Variants in POLR3B observed in about 807,000 individuals in gnomAD.
The protein encoded by POLR3B is DNA-directed RNA polymerase III subunit RPC2.
Under a neutral mutation model 147.4 loss-of-function variants are expected in POLR3B, and 96 were observed. That is an observed-to-expected ratio of 0.65 (90% CI 0.55 to 0.77). The LOEUF (loss-of-function observed/expected upper bound fraction) is 0.77. Among genes scored for constraint, POLR3B ranks in the 30% least tolerant of loss-of-function variants. POLR3B has a pLI of 0.00. For missense variants in POLR3B, 1,036 were observed against 1,413.5 expected, an observed-to-expected ratio of 0.73 and a Z score of 4.28; for synonymous variants, 461 against 485.9, an observed-to-expected ratio of 0.95 and a Z score of 0.67.
chr12:106,446,524 A>G (rs1298878974), intron 19 of POLR3B, among the ~76,000 whole-genome samples: 1 of 152,062 alleles, frequency 6.6e-6, no homozygotes, highest in African/African-American at 2.4e-5. Flanking sequence ...GTGTGTACAG[A>G]AAGCCAGTTC....
chr12:106,476,018 C>T (rs1473953680), intron 23 of POLR3B, among the ~76,000 whole-genome samples: 1 of 150,680 alleles, frequency 6.6e-6, no homozygotes, highest in African/African-American at 2.5e-5. Flanking sequence ...TTGTTCCTTT[C>T]CATGTTTAGC....
At chr12:106,411,379 C>A (rs1486181946) in intron 12 of POLR3B, among the ~76,000 whole-genome samples, 1 of 152,170 alleles carries the variant, frequency 6.6e-6, no homozygotes, top group African/African-American at 2.4e-5. Context: ...CTCAGGTGAT[C>A]TGCCCATCTC....
chr12:106,404,160 C>T (rs892391158), intron 10 of POLR3B, among the ~76,000 whole-genome samples: 1 of 151,210 alleles, frequency 6.6e-6, no homozygotes, highest in Non-Finnish European at 1.5e-5. Flanking sequence ...GCATGATCTC[C>T]GCTCACTGCA....
Position 106,366,720 on chromosome 12 carries a change from AAAGT to A in POLR3B, c.227+2_227+5del. On this transcript the variant is annotated splice_donor_variant and coding_sequence_variant, in exon 4 of 28. Transcript: ENST00000228347. LOFTEE classifies it high-confidence loss of function. ...GTGACGCTGACCCTATGTGGTACTT[AAAGT>A]AAGGAACCAACATTCTTAATTTGCT... The A allele has an allele frequency of 6.2e-7, 1 of 1,607,880 alleles. No individual in the cohort carries two copies. Among genetic ancestry groups the A allele is most frequent in the South Asian group, 1.1e-5 (1 of 90,926 alleles).
intron 23 of POLR3B, among the ~76,000 whole-genome samples, chr12:106,479,602 C>T (rs1197642630): frequency 1.3e-5 from 2 of 151,954 alleles, no homozygotes; most frequent in African/African-American, 2.4e-5. Flanking sequence ...CCAGGATGGT[C>T]TCGATCTCCT....
intron 12 of POLR3B, 120 bp downstream of exon 12, chr12:106,411,080 T>G: frequency 1.2e-6 from 1 of 834,144 alleles, no homozygotes; most frequent in Non-Finnish European, 2.0e-6. Context: ...AGTATAAACA[T>G]TTCATACCTG....
chr12:106,366,406 T>G, intron 2 of POLR3B, 110 bp from the exon 3 acceptor site: 1 of 720,366 alleles, frequency 1.4e-6, no homozygotes, highest in Non-Finnish European at 2.5e-6. Context: ...TGATAAAAAT[T>G]TGATGTTCAC....
At chr12:106,398,534 C>T (rs1171870432) in intron 10 of POLR3B, among the ~76,000 whole-genome samples, 1 of 152,198 alleles carries the variant, frequency 6.6e-6, no homozygotes, top group Non-Finnish European at 1.5e-5. Flanking sequence ...CAGACTGCCT[C>T]CTCAAGTGGT....
At chr12:106,413,097 T>G (rs574707969) in intron 12 of POLR3B, among the ~76,000 whole-genome samples, 1 of 152,314 alleles carries the variant, frequency 6.6e-6, no homozygotes, top group African/African-American at 2.4e-5. Context: ...TTTCACTTTT[T>G]TGACAGTGTC....
rs529148282 is a variant in POLR3B at position 106,447,059 on chromosome 12, T to C, written c.2083+2469T>C. On this transcript the variant is annotated intron_variant, in intron 19 of 27. Coordinates refer to ENST00000228347, the MANE Select transcript of POLR3B (RefSeq NM_018082.6). ...CAACTAAAACTCATACTCTATCCCA[T>C]TTTTACTATGAGCCATTGCTAAACA... 5.9e-5 allele frequency among the ~76,000 whole-genome samples: 9 copies of C among 152,342 alleles called. No individual in the cohort carries two copies. In the South Asian group the frequency reaches 1.9e-3, roughly 32 times the overall value.
intron 13 of POLR3B, among the ~76,000 whole-genome samples, chr12:106,429,991 A>C (rs1482977775): frequency 6.6e-6 from 1 of 152,222 alleles, no homozygotes; most frequent in Non-Finnish European, 1.5e-5. Flanking sequence ...TTATAGAATT[A>C]GTTCCTCAGA....
Position 106,398,145 on chromosome 12 carries a change from T to A in POLR3B, c.846+4992T>A, listed in dbSNP as rs148313562. On this transcript the variant is annotated intron_variant, in intron 10 of 27. Coordinates refer to ENST00000228347, the MANE Select transcript of POLR3B (RefSeq NM_018082.6). ...GGTCACTCCCACCCTAATACTGCACTTTCCCAACGGGCTTAAGAAACGGCA... is the reference window on the plus strand; with the variant it reads ...GGTCACTCCCACCCTAATACTGCACATTCCCAACGGGCTTAAGAAACGGCA... 4.6e-5 allele frequency among the ~76,000 whole-genome samples: 7 copies of A among 152,320 alleles called. No individual in the cohort carries two copies. In the East Asian group the frequency reaches 1.4e-3, roughly 29 times the overall value.
In POLR3B at chr12:106,477,765, G is replaced by T. The variant is rs2038197505; in HGVS notation, c.2713+14145G>T. Among the ~76,000 whole-genome samples, 4 of 152,044 alleles carry T rather than the reference G, an allele frequency of 2.6e-5. No individual in the cohort carries two copies. In the South Asian group the frequency reaches 6.2e-4, roughly 24 times the overall value. On this transcript the variant is annotated intron_variant, in intron 23 of 27. Transcript: ENST00000228347. ...CCCACTGGCCTGCGCCCACTGTCTGGCACTCCCTACTGAGATGAACCCGGT... is the reference window on the plus strand; with the variant it reads ...CCCACTGGCCTGCGCCCACTGTCTGTCACTCCCTACTGAGATGAACCCGGT...
chr12:106,383,751 A>G (rs1056530488), intron 9 of POLR3B, among the ~76,000 whole-genome samples: 3 of 152,146 alleles, frequency 2.0e-5, no homozygotes, highest in African/African-American at 7.2e-5. Context: ...AGGCTGAGGC[A>G]GGGATCATTT....
In POLR3B at chr12:106,432,298, G is replaced by T; in HGVS notation, c.1465-20G>T. On this transcript the variant is annotated intron_variant, in intron 14 of 27. Coordinates refer to ENST00000228347, the MANE Select transcript of POLR3B (RefSeq NM_018082.6). ...ATTACTAATGTTCATTCTTAGAAAT[G>T]ACCATCTTTTGTTTTTTAGGCATGT... 2 of 1,609,826 alleles carry T rather than the reference G, an allele frequency of 1.2e-6. No homozygotes were observed. The highest frequency in any genetic ancestry group is 2.2e-5 in the South Asian group (2 of 90,884).
chr12:106,501,216 C>A, intron 25 of POLR3B, 107 bp from the exon 26 acceptor site: 3 of 759,824 alleles, frequency 3.9e-6, no homozygotes, highest in Admixed American at 1.8e-5. Context: ...TCATTCTTAT[C>A]CAGTCAGTCA....
chr12:106,425,706 C>T lies in POLR3B; in HGVS notation c.1102-1491C>T, dbSNP rs1350880325. 2.0e-5 allele frequency among the ~76,000 whole-genome samples: 3 copies of T among 152,242 alleles called. No homozygotes were observed. The East Asian group carries it at 5.8e-4, about 29-fold the overall frequency. On this transcript the variant is annotated intron_variant, in intron 12 of 27. Coordinates refer to ENST00000228347, the MANE Select transcript of POLR3B (RefSeq NM_018082.6). Reference sequence around the variant, plus strand: ...GAGTGGGAGTGGACACTTCTTGTGCCTGGGCTTCAGAAGAATTCTGAACTT... The same window carrying T: ...GAGTGGGAGTGGACACTTCTTGTGCTTGGGCTTCAGAAGAATTCTGAACTT...
intron 10 of POLR3B, among the ~76,000 whole-genome samples, chr12:106,402,493 G>A (rs921986695): frequency 2.7e-4 from 41 of 152,102 alleles, no homozygotes; most frequent in Non-Finnish European, 4.4e-4. Flanking sequence ...AAAAGAGCCC[G>A]CATCGCCAAG....
intron 6 of POLR3B, among the ~76,000 whole-genome samples, chr12:106,371,549 A>T (rs1323587440): frequency 1.3e-5 from 2 of 151,512 alleles, no homozygotes; most frequent in African/African-American, 2.4e-5. Context: ...CAAATGTCCA[A>T]CAATGATAGA....
Sources: allele counts gnomAD v4.1 joint callset (sites outside exome capture counted in the v4.1 genomes callset), GRCh38; gene constraint gnomAD v4.1.1; transcripts MANE v1.5; gene names NCBI Gene and HGNC (gene_info 2026-07-23, HGNC 2026-07-21).